PRKG1: variants seen among roughly 807,000 people sequenced by gnomAD.
PRKG1 encodes the protein cGMP-dependent protein kinase 1.
A neutral mutation model predicts 88.1 loss-of-function variants in PRKG1; 35 were observed. That is an observed-to-expected ratio of 0.40 (90% CI 0.30 to 0.53). The LOEUF is 0.53. PRKG1 is among the 20% of genes least tolerant of loss of function. PRKG1 has a pLI of 0.59. For missense variants in PRKG1, 540 were observed against 839.8 expected (o/e 0.64, Z 4.41); for synonymous variants, 303 against 292.5 (o/e 1.04, Z -0.37).
chr10:51,349,008 G>A (rs572069738), intron 2 of PRKG1, among the ~76,000 whole-genome samples: 1 of 151,990 alleles, frequency 6.6e-6, no homozygotes. Flanking sequence ...ACGATAGTGA[G>A]ATGATGCTAA....
chr10:51,004,175 G>T (rs964325852), intron 1 of PRKG1, among the ~76,000 whole-genome samples: 1 of 152,088 alleles, frequency 6.6e-6, no homozygotes, highest in Non-Finnish European at 1.5e-5. Context: ...ATTAAAAAAT[G>T]TATACTGGCC....
At chr10:51,034,668 T>TTTTATATATATATATATATATA (rs9299454) in intron 1 of PRKG1, among the ~76,000 whole-genome samples, 1 of 68,188 alleles carries the variant, frequency 1.5e-5, no homozygotes, top group Non-Finnish European at 2.7e-5. Context: ...AATATGTTAT[T>TTTTATATATATATATATATATA]TATATATATA....
chr10:51,154,584 GA>G (rs1344684428), intron 2 of PRKG1, among the ~76,000 whole-genome samples: 1 of 151,892 alleles, frequency 6.6e-6, no homozygotes, highest in African/African-American at 2.4e-5. Flanking sequence ...CAGTATATAA[GA>G]AATATTCTTT....
At chr10:51,939,337 G>A (rs1192722542) in intron 5 of PRKG1, among the ~76,000 whole-genome samples, 1 of 151,924 alleles carries the variant, frequency 6.6e-6, no homozygotes, top group Non-Finnish European at 1.5e-5. Flanking sequence ...CTTCTGCCTT[G>A]TTGTGATTGG....
intron 5 of PRKG1, among the ~76,000 whole-genome samples, chr10:51,912,786 C>T (rs1053827461): frequency 2.6e-5 from 4 of 152,006 alleles, no homozygotes; most frequent in African/African-American, 9.7e-5. Context: ...CCACCTACCC[C>T]CTTCTGAAAT....
At chr10:51,365,493 T>A (rs1053453256) in intron 2 of PRKG1, among the ~76,000 whole-genome samples, 1 of 151,972 alleles carries the variant, frequency 6.6e-6, no homozygotes, top group African/African-American at 2.4e-5. Context: ...GATACATCTG[T>A]CTCTACAGTG....
intron 7 of PRKG1, among the ~76,000 whole-genome samples, chr10:52,080,586 T>G (rs12253790): frequency 2.6e-5 from 4 of 151,924 alleles, no homozygotes; most frequent in African/African-American, 9.7e-5. Context: ...AGGGGCTTAA[T>G]TTGGTTGATA....
intron 7 of PRKG1, among the ~76,000 whole-genome samples, chr10:52,119,898 TGAGA>T (rs1162743319): frequency 6.6e-6 from 1 of 151,254 alleles, no homozygotes; most frequent in Admixed American, 6.6e-5. Context: ...AGCACAGGCA[TGAGA>T]GAGAGACAGA....
intron 2 of PRKG1, among the ~76,000 whole-genome samples, chr10:51,197,948 C>T (rs986691503): frequency 1.3e-5 from 2 of 151,732 alleles, no homozygotes; most frequent in Non-Finnish European, 2.9e-5. Context: ...AAAGTGTTTC[C>T]ATAAAGCCCA....
intron 3 of PRKG1, among the ~76,000 whole-genome samples, chr10:51,654,029 C>T (rs1164329224): frequency 6.6e-6 from 1 of 151,928 alleles, no homozygotes; most frequent in Non-Finnish European, 1.5e-5. Flanking sequence ...CATGCAGAAG[C>T]TTTTTAGTTT....
rs115996605 is a variant in PRKG1 at position 51,488,798 on chromosome 10, G to A, written c.592+20962G>A. ...GCTTAGATCTAGACTGGCTCTCTGC[G>A]TCCACCTCTTCTCTTGTTATCCCAG... On this transcript the variant is annotated intron_variant, in intron 3 of 17. Coordinates refer to ENST00000373980, the MANE Select transcript of PRKG1 (RefSeq NM_006258.4). Among the ~76,000 whole-genome samples the A allele has an allele frequency of 2.4e-3, 369 of 152,118 alleles. 2 individuals are homozygous for A. The highest frequency in any genetic ancestry group is 8.1e-3 in the African/African-American group (336 of 41,520).
At chr10:51,809,435 G>C (rs951214773) in intron 4 of PRKG1, among the ~76,000 whole-genome samples, 13 of 152,162 alleles carry the variant, frequency 8.5e-5, no homozygotes, top group African/African-American at 2.9e-4. Context: ...TCTGAAAAAT[G>C]AGCCAAATAA....
At chr10:51,647,741 C>G (rs1455392351) in intron 3 of PRKG1, among the ~76,000 whole-genome samples, 5 of 152,058 alleles carry the variant, frequency 3.3e-5, no homozygotes, top group Non-Finnish European at 7.4e-5. Flanking sequence ...TAAAAATGCT[C>G]AATCCATTAA....
chr10:51,372,856 A>G (rs1256276375), intron 2 of PRKG1, among the ~76,000 whole-genome samples: 1 of 152,166 alleles, frequency 6.6e-6, no homozygotes, highest in East Asian at 1.9e-4. Context: ...TGATAAACCA[A>G]TCTTATATTC....
chr10:51,520,992 A>G (rs1425596619), intron 3 of PRKG1, among the ~76,000 whole-genome samples: 1 of 152,266 alleles, frequency 6.6e-6, no homozygotes, highest in Non-Finnish European at 1.5e-5. Context: ...TTTGCTGATT[A>G]TTAAAACTGC....
At chr10:51,953,058 C>T (rs879260565) in intron 5 of PRKG1, among the ~76,000 whole-genome samples, 4 of 152,082 alleles carry the variant, frequency 2.6e-5, no homozygotes, top group African/African-American at 9.7e-5. Flanking sequence ...ATTTCTTTAG[C>T]TTTTTCTGTC....
intron 7 of PRKG1, among the ~76,000 whole-genome samples, chr10:52,124,161 G>T (rs2132617057): frequency 6.6e-6 from 1 of 152,246 alleles, no homozygotes; most frequent in African/African-American, 2.4e-5. Flanking sequence ...AAGCTACTTA[G>T]AATGGTGTGC....
chr10:51,006,290 C>T (rs564343421), intron 1 of PRKG1, among the ~76,000 whole-genome samples: 32 of 152,280 alleles, frequency 2.1e-4, no homozygotes, highest in Middle Eastern at 3.4e-3. Context: ...ACTAACCTGA[C>T]GTTATCATGC....
intron 1 of PRKG1, among the ~76,000 whole-genome samples, chr10:51,017,746 CA>C (rs1179292805): frequency 6.6e-6 from 1 of 151,912 alleles, no homozygotes; most frequent in Admixed American, 6.6e-5. Flanking sequence ...TCAGGTAAAA[CA>C]AAAGAGTTGC....
Sources: gnomAD v4.1 joint callset for allele counts (sites outside exome capture counted in the v4.1 genomes callset) on GRCh38, gnomAD v4.1.1 for gene constraint, MANE v1.5 for transcripts, NCBI Gene and HGNC (gene_info 2026-07-23, HGNC 2026-07-21) for gene names.